GUCA2A: variants seen among roughly 807,000 people sequenced by gnomAD.
The protein encoded by GUCA2A is guanylin.
GUCA2A carries 17 observed loss-of-function variants against 11.2 expected under a neutral mutation model. The ratio of observed to expected loss-of-function variants is 1.52; its 90% CI spans 1.04 to 2.28. The LOEUF (loss-of-function observed/expected upper bound fraction) is 2.28, where lower values mean the gene tolerates loss of function less well. GUCA2A is among the 30% of genes most tolerant of loss of function. GUCA2A has a pLI of 0.00. For missense variants in GUCA2A, 173 were observed against 139.3 expected (o/e 1.24, Z -1.22); for synonymous variants, 64 against 57.1 (o/e 1.12, Z -0.54).
intron 1 of GUCA2A, among the ~76,000 whole-genome samples, chr1:42,164,208 T>C (rs1176513404): frequency 1.3e-5 from 2 of 152,136 alleles, no homozygotes; most frequent in Non-Finnish European, 2.9e-5. Context: ...CACTGAGGAG[T>C]AAGGTCTGGA....
chr1:42,163,015 C>G (rs780380328), intron 2 of GUCA2A, 45 bp from the exon 3 acceptor site: 1 of 1,498,464 alleles, frequency 6.7e-7, no homozygotes, highest in Non-Finnish European at 9.3e-7. Flanking sequence ...CATTTCCTCG[C>G]GAGGCCCCTG....
chr1:42,163,809 C>T, intron 1 of GUCA2A, among the ~76,000 whole-genome samples, 199 bp from the exon 2 acceptor site: 1 of 152,218 alleles, frequency 6.6e-6, no homozygotes, highest in East Asian at 1.9e-4. Flanking sequence ...ATGCTGGACA[C>T]TCTGGAACCC....
chr1:42,163,602 A>G lies in GUCA2A; in HGVS notation c.84T>C (p.Asn28=). ...TCACTGACTCCAGAGAAAAGGAGAA[A>G]TTTCCATCCTGGAAGAGAGAAGCCC... ...LAGGVTVQDG[N]FSFSLESVKK... The change falls in exon 2 of 3, where the codon AAT becomes AAC. Residue 28 remains asparagine, a synonymous_variant. Transcript: ENST00000357001. The G allele has an allele frequency of 6.2e-7, 1 of 1,609,958 alleles. No individual in the cohort carries two copies. The highest frequency in any genetic ancestry group is 8.5e-7 in the Non-Finnish European group (1 of 1,177,310).
rs1422060193 is a variant in GUCA2A, at chr1:42,162,777, C to G, written c.*129G>C. On this transcript the variant is annotated 3_prime_UTR_variant, in exon 3 of 3. Transcript: ENST00000357001. ...AGGCCTCCAGTCACCCAGTTCCTCCCCGGGCTGCTCCTCCCGACTGGACCA... is the reference window on the plus strand; with the variant it reads ...AGGCCTCCAGTCACCCAGTTCCTCCGCGGGCTGCTCCTCCCGACTGGACCA... 1.4e-6 allele frequency: 1 copy of G among 739,220 alleles called. No individual in the cohort carries two copies. Among genetic ancestry groups the G allele is most frequent in the African/African-American group, 1.7e-5 (1 of 58,014 alleles). 45.8% of individuals were successfully genotyped at this position (739,220 alleles called of 1,614,324 possible).
At chr1:42,164,181 A>G (rs1368845902) in intron 1 of GUCA2A, among the ~76,000 whole-genome samples, 2 of 152,238 alleles carry the variant, frequency 1.3e-5, no homozygotes, top group Non-Finnish European at 2.9e-5. Flanking sequence ...CAGGGTGTCC[A>G]TGTGGTTCCT....
intron 2 of GUCA2A, 98 bp from the exon 3 acceptor site, chr1:42,163,068 G>A (rs1404908411): frequency 5.2e-6 from 5 of 969,926 alleles, no homozygotes; most frequent in Non-Finnish European, 8.1e-6. Context: ...CCAGCCCCAG[G>A]AGAATCTCAG....
At chr1:42,164,443 T>G (rs1646143713) in intron 1 of GUCA2A, among the ~76,000 whole-genome samples, 195 bp downstream of exon 1, 1 of 152,232 alleles carries the variant, frequency 6.6e-6, no homozygotes, top group African/African-American at 2.4e-5. Flanking sequence ...TTCCCTCCAC[T>G]GGGTTTCTTT....
rs1242705442 is a variant in GUCA2A at position 42,162,714 on chromosome 1, TG to T, written c.*191del. ...GTACTCTGGAATCTGGTTTATTAGC[TG>T]GGGGTTGAAGTGGCAGGGAAGGACA... On this transcript the variant is annotated 3_prime_UTR_variant, in exon 3 of 3. Transcript: ENST00000357001. 5.7e-5 allele frequency: 34 copies of T among 599,492 alleles called. 1 individual carries two copies. The Admixed American group carries it at 9.7e-4, about 17-fold the overall frequency. 37.1% of individuals were successfully genotyped at this position (599,492 alleles called of 1,614,324 possible). A position where few individuals can be genotyped will look rare whatever the true frequency, so the allele number is the denominator to read the frequency against.
intron 2 of GUCA2A, 112 bp downstream of exon 2, chr1:42,163,291 A>C: frequency 1.4e-6 from 1 of 715,180 alleles, no homozygotes; most frequent in Non-Finnish European, 2.4e-6. Flanking sequence ...TAGTTCCACC[A>C]GTCAGAGCTG....
rs1569700443 is a variant in GUCA2A at position 42,162,975 on chromosome 1, A to G, written c.284-5T>C. ...CCGGGTCCTCAGCGATTTCCTCTGCACAACAGAGATGGAGCCTCGTGAGAA... is the reference window on the plus strand; with the variant it reads ...CCGGGTCCTCAGCGATTTCCTCTGCGCAACAGAGATGGAGCCTCGTGAGAA... On this transcript the variant is annotated splice_polypyrimidine_tract_variant and splice_region_variant and intron_variant, in intron 2 of 2. Transcript: ENST00000357001. The G allele has an allele frequency of 6.2e-7, 1 of 1,611,902 alleles. No homozygotes were observed. The highest frequency in any genetic ancestry group is 2.2e-5 in the East Asian group (1 of 44,870).
At chr1:42,163,668 C>A in intron 1 of GUCA2A, 58 bp from the exon 2 acceptor site, 1 of 1,250,168 alleles carries the variant, frequency 8.0e-7, no homozygotes, top group Non-Finnish European at 1.1e-6. Context: ...CTGGCTGTGC[C>A]CCCCGTGCTG....
At position 42,162,873 on chromosome 1, in the gene GUCA2A, T is replaced by G; in HGVS notation, c.*33A>C. The stretch of plus-strand genomic sequence containing the variant: ...CTGCAGGAGAAAAGAGCTTCCCTGC[T>G]GCGGAGGGGAGGCAGGCAGTGGGCA... On this transcript the variant is annotated 3_prime_UTR_variant, in exon 3 of 3. Transcript: ENST00000357001. The G allele has an allele frequency of 6.4e-7, 1 of 1,567,286 alleles. No individual in the cohort carries two copies.
chr1:42,164,174 G>A (rs1646142592), intron 1 of GUCA2A, among the ~76,000 whole-genome samples: 1 of 152,234 alleles, frequency 6.6e-6, no homozygotes, highest in Non-Finnish European at 1.5e-5. Context: ...GGACCTCCAG[G>A]GTGTCCATGT....
rs1355027044 is a variant in GUCA2A, at chr1:42,163,033, TG to T, written c.284-64del. 6.8e-6 allele frequency: 9 copies of T among 1,327,544 alleles called. No individual in the cohort carries two copies. In the African/African-American group the frequency reaches 1.3e-4, roughly 19 times the overall value. The allele number at this position is 1,327,544 out of a possible 1,614,324, so 82.2% of individuals were successfully genotyped here. On this transcript the variant is annotated intron_variant, in intron 2 of 2. Coordinates refer to ENST00000357001, the MANE Select transcript of GUCA2A (RefSeq NM_033553.3). ...TTCCTCGCGAGGCCCCTGCCGCCCT[TG>T]GCCCAGAGCTTGTACGTCACCACCC...
intron 1 of GUCA2A, among the ~76,000 whole-genome samples, chr1:42,163,832 T>A (rs547564032): frequency 5.3e-5 from 8 of 152,278 alleles, no homozygotes; most frequent in Non-Finnish European, 8.8e-5. Context: ...AAATTCTGCA[T>A]GTTGTATGGG....
chr1:42,163,572 C>G lies in GUCA2A; in HGVS notation c.114G>C (p.Lys38Asn). The change falls in exon 2 of 3, where the codon AAG becomes AAC. Residue 38 changes from lysine (K) to asparagine (N), a missense_variant. By Grantham distance (94) the Lys-to-Asn change is moderately conservative (BLOSUM62 0). Transcript: ENST00000357001. ...NFSFSLESVKKLKDLQEPQEP... is the reference protein window; with the variant it reads ...NFSFSLESVKNLKDLQEPQEP... ...CCTGGGGCTCCTGGAGGTCTTTGAG[C>G]TTCTTCACTGACTCCAGAGAAAAGG... 2 of 1,613,652 alleles carry G rather than the reference C, an allele frequency of 1.2e-6. No individual in the cohort carries two copies. Among genetic ancestry groups the G allele is most frequent in the Non-Finnish European group, 1.7e-6 (2 of 1,179,650 alleles).
At chr1:42,163,777 C>T (rs1646140720) in intron 1 of GUCA2A, among the ~76,000 whole-genome samples, 167 bp from the exon 2 acceptor site, 1 of 152,218 alleles carries the variant, frequency 6.6e-6, no homozygotes, top group Non-Finnish European at 1.5e-5. Context: ...GTTCAGGCCC[C>T]ACGTCCTGGC....
At chr1:42,163,921 G>C (rs983185006) in intron 1 of GUCA2A, among the ~76,000 whole-genome samples, 2 of 152,244 alleles carry the variant, frequency 1.3e-5, no homozygotes, top group African/African-American at 4.8e-5. Flanking sequence ...GATTTTTAGG[G>C]AGAGGCAAAG....
At chr1:42,163,988 G>T (rs2124028152) in intron 1 of GUCA2A, among the ~76,000 whole-genome samples, 1 of 152,342 alleles carries the variant, frequency 6.6e-6, no homozygotes, top group Admixed American at 6.5e-5. Context: ...TCTTTCCCCT[G>T]CCTGAGAGCG....
Sources: allele counts gnomAD v4.1 joint callset (sites outside exome capture counted in the v4.1 genomes callset), GRCh38; gene constraint gnomAD v4.1.1; transcripts MANE v1.5; gene names NCBI Gene and HGNC (gene_info 2026-07-23, HGNC 2026-07-21).